The following SV2B variants were observed in gnomAD, a reference collection of about 807,000 sequenced individuals.
SV2B encodes the protein synaptic vesicle glycoprotein 2B.
A neutral mutation model predicts 73.9 loss-of-function variants in SV2B; 41 were observed. That is an observed-to-expected ratio of 0.56 (90% CI 0.43 to 0.72). SV2B has a LOEUF of 0.72. SV2B is among the 30% of genes least tolerant of loss of function. The pLI, the probability that SV2B is intolerant of heterozygous loss-of-function variation, is 0.00. For missense variants in SV2B, 764 were observed against 857.8 expected (o/e 0.89, Z 1.37); for synonymous variants, 314 against 314.2 (o/e 1.00, Z 0.01).
rs1302255843 is a variant in SV2B, at chr15:91,232,931, C to T, written c.451+6217C>T. ...TGTCACGAATACCCAATATTTAGCGCTCGCTTATAAGTGAGAACATGCAGT... is the reference window on the plus strand; with the variant it reads ...TGTCACGAATACCCAATATTTAGCGTTCGCTTATAAGTGAGAACATGCAGT... On this transcript the variant is annotated intron_variant, in intron 2 of 12. Transcript: ENST00000394232. The surrounding 1 kb of genome is among the most constrained non-coding windows in gnomAD (Gnocchi z 4.7). 6.6e-6 allele frequency among the ~76,000 whole-genome samples: 1 copy of T among 152,124 alleles called. No homozygotes were observed. Among genetic ancestry groups the T allele is most frequent in the East Asian group, 1.9e-4 (1 of 5,188 alleles).
chr15:91,180,300 G>T (rs2044498865), intron 1 of SV2B, among the ~76,000 whole-genome samples: 1 of 152,146 alleles, frequency 6.6e-6, no homozygotes, highest in African/African-American at 2.4e-5. Context: ...TGGGTAACCT[G>T]ACCTTTCTCT....
At chr15:91,286,598 A>G (rs576504536) in intron 11 of SV2B, among the ~76,000 whole-genome samples, 2 of 152,288 alleles carry the variant, frequency 1.3e-5, no homozygotes, top group South Asian at 4.1e-4. Context: ...CCTAAACACT[A>G]TGACATGCTT....
Position 91,245,279 on chromosome 15 carries a change from AT to A in SV2B, c.452-6538del, listed in dbSNP as rs1434538033. 1.3e-5 allele frequency among the ~76,000 whole-genome samples: 2 copies of A among 152,256 alleles called. No individual in the cohort carries two copies. Among genetic ancestry groups the A allele is most frequent in the African/African-American group, 4.8e-5 (2 of 41,462 alleles). On this transcript the variant is annotated intron_variant, in intron 2 of 12. Coordinates refer to ENST00000394232, the MANE Select transcript of SV2B (RefSeq NM_001323032.3). The surrounding 1 kb of genome is among the most constrained non-coding windows in gnomAD (Gnocchi z 4.2). ...CTCATGATTCGATTTCTTGGAATCT[AT>A]TCTGAGCAAATAACTAGAAACACCA... is the stretch of plus-strand genomic sequence containing the variant.
chr15:91,166,082 G>C (rs1477810338), intron 1 of SV2B, among the ~76,000 whole-genome samples: 1 of 152,134 alleles, frequency 6.6e-6, no homozygotes, highest in East Asian at 1.9e-4. Context: ...GCAGTCATTT[G>C]AATTGTTGTT....
At position 91,265,364 on chromosome 15, in the gene SV2B, A is replaced by C. The variant is rs980264157; in HGVS notation, c.1009-1218A>C. Among the ~76,000 whole-genome samples, 3 of 152,236 alleles carry C rather than the reference A, an allele frequency of 2.0e-5. No individual in the cohort carries two copies. The highest frequency in any genetic ancestry group is 2.9e-5 in the Non-Finnish European group (2 of 68,048). Reference sequence around the variant, plus strand: ...GGGAACACAGGCCATATTCTAATTTAGACTGAATCATAGACAATTGTTCTA... The same window carrying C: ...GGGAACACAGGCCATATTCTAATTTCGACTGAATCATAGACAATTGTTCTA... On this transcript the variant is annotated intron_variant, in intron 6 of 12. Transcript: ENST00000394232. The surrounding 1 kb of genome is among the most constrained non-coding windows in gnomAD (Gnocchi z 4.2).
intron 5 of SV2B, among the ~76,000 whole-genome samples, chr15:91,259,946 TG>T (rs1249901679): frequency 2.0e-5 from 3 of 152,332 alleles, no homozygotes; most frequent in Non-Finnish European, 4.4e-5. Flanking sequence ...TATCTTTTTT[TG>T]GGGGGACACA....
chr15:91,289,746 T>C lies in SV2B; in HGVS notation c.1868+66T>C, dbSNP rs1487776917. ...CTTCTTTGGCCAGAAGTCTACCTGC[T>C]CCCTAAATCTCATGCTGTGCATGGC... On this transcript the variant is annotated intron_variant, in intron 12 of 12. Transcript: ENST00000394232. The surrounding 1 kb of genome is among the most constrained non-coding windows in gnomAD (Gnocchi z 4.9). 2.0e-6 allele frequency: 3 copies of C among 1,527,754 alleles called. No homozygotes were observed. The highest frequency in any genetic ancestry group is 2.7e-6 in the Non-Finnish European group (3 of 1,127,780). 94.6% of individuals were successfully genotyped at this position (1,527,754 alleles called of 1,614,324 possible).
intron 1 of SV2B, among the ~76,000 whole-genome samples, chr15:91,196,459 A>G (rs1238227310): frequency 6.6e-6 from 1 of 152,204 alleles, no homozygotes; most frequent in Non-Finnish European, 1.5e-5. Context: ...TTTATAGGCT[A>G]ATTGGACACC....
chr15:91,249,214 G>A (rs8042096), intron 2 of SV2B, among the ~76,000 whole-genome samples: 65,588 of 151,972 alleles, frequency 0.43, 17,115 homozygotes, highest in African/African-American at 0.74. Context: ...GAAGTTGCCC[G>A]AACATATCAG....
At chr15:91,206,523 G>A (rs1395482853) in intron 1 of SV2B, among the ~76,000 whole-genome samples, 1 of 152,152 alleles carries the variant, frequency 6.6e-6, no homozygotes, top group Non-Finnish European at 1.5e-5. Flanking sequence ...ACCTCTTCAG[G>A]AATTTCTTTG....
Position 91,290,248 on chromosome 15 carries a change from A to G in SV2B, c.1868+568A>G, listed in dbSNP as rs2048996997. Among the ~76,000 whole-genome samples the G allele has an allele frequency of 6.6e-6, 1 of 152,206 alleles. No homozygotes were observed. Among genetic ancestry groups the G allele is most frequent in the Admixed American group, 6.5e-5 (1 of 15,286 alleles). ...GGAATTGTAAAGTTTAAAGGAGAAG[A>G]TAAGAGGCCCTGTGGTCAAAAAGGA... is the stretch of plus-strand genomic sequence containing the variant. On this transcript the variant is annotated intron_variant, in intron 12 of 12. Coordinates refer to ENST00000394232, the MANE Select transcript of SV2B (RefSeq NM_001323032.3). This position sits in a 1 kb window ranked among gnomAD's most constrained non-coding sequence, Gnocchi z 4.7.
At position 91,251,850 on chromosome 15, in the gene SV2B, C is replaced by A. The variant is rs201523826; in HGVS notation, c.483C>A (p.Gly161=). ...GMIVYLGMMA[G]AFILGGLADK... ...TAGTCTACTTGGGAATGATGGCGGGCGCCTTCATCCTGGGAGGCCTGGCTG... is the reference window on the plus strand; with the variant it reads ...TAGTCTACTTGGGAATGATGGCGGGAGCCTTCATCCTGGGAGGCCTGGCTG... The change falls in exon 3 of 13, where the codon GGC becomes GGA. Residue 161 remains glycine, a synonymous_variant. Transcript: ENST00000394232. The A allele has an allele frequency of 5.6e-6, 9 of 1,613,952 alleles. No individual in the cohort carries two copies. The highest frequency in any genetic ancestry group is 2.2e-5 in the East Asian group (1 of 44,882).
intron 1 of SV2B, among the ~76,000 whole-genome samples, chr15:91,133,999 T>C (rs1231026215): frequency 3.1e-5 from 3 of 95,856 alleles, no homozygotes; most frequent in Non-Finnish European, 6.3e-5. Context: ...CCACTTTCTT[T>C]CTTCCTTTTT....
intron 1 of SV2B, among the ~76,000 whole-genome samples, chr15:91,191,059 G>GGTTTTT (rs2044993188): frequency 3.3e-5 from 2 of 59,734 alleles, no homozygotes; most frequent in African/African-American, 1.2e-4. Flanking sequence ...TTTTTTTGGT[G>GGTTTTT]TTTCTTTTTT....
Position 91,281,928 on chromosome 15 carries a change from A to G in SV2B, c.1507+67A>G. On this transcript the variant is annotated intron_variant, in intron 10 of 12. Transcript: ENST00000394232. The surrounding 1 kb of genome is among the most constrained non-coding windows in gnomAD (Gnocchi z 4.7). ...GACAACTTGTGTTGTCCAAGAATCA[A>G]AATGGTCAGGCATAAACTTTAGGAG... is the stretch of plus-strand genomic sequence containing the variant. 4 of 1,520,560 alleles carry G rather than the reference A, an allele frequency of 2.6e-6. No homozygotes were observed. Among genetic ancestry groups the G allele is most frequent in the Non-Finnish European group, 3.6e-6 (4 of 1,123,160 alleles). The allele number at this position is 1,520,560 out of a possible 1,614,324, so 94.2% of individuals were successfully genotyped here. A position where few individuals can be genotyped will look rare whatever the true frequency, so the allele number is the denominator to read the frequency against.
intron 6 of SV2B, among the ~76,000 whole-genome samples, chr15:91,260,681 T>C (rs2047878168): frequency 6.6e-6 from 1 of 152,172 alleles, no homozygotes; most frequent in African/African-American, 2.4e-5. Flanking sequence ...TAGTCCATTT[T>C]CATGCTGCTG....
Position 91,289,341 on chromosome 15 carries a change from G to C in SV2B, c.1709-180G>C, listed in dbSNP as rs190918628. ...CGCAGAGGGCTCTAATGCCATGTCT[G>C]GGGTGCCTTGTGAGGATTCCAGCTG... On this transcript the variant is annotated intron_variant, in intron 11 of 12. Coordinates refer to ENST00000394232, the MANE Select transcript of SV2B (RefSeq NM_001323032.3). The surrounding 1 kb of genome is among the most constrained non-coding windows in gnomAD (Gnocchi z 4.9). 3.9e-5 allele frequency among the ~76,000 whole-genome samples: 6 copies of C among 152,306 alleles called. No homozygotes were observed. Among genetic ancestry groups the C allele is most frequent in the Admixed American group, 3.9e-4 (6 of 15,300 alleles).
chr15:91,167,290 C>G (rs559566768), intron 1 of SV2B, among the ~76,000 whole-genome samples: 1 of 151,974 alleles, frequency 6.6e-6, no homozygotes, highest in South Asian at 2.1e-4. Context: ...ATTATATTTT[C>G]CCAGTTTTTT....
intron 2 of SV2B, among the ~76,000 whole-genome samples, chr15:91,230,536 T>C (rs1007382076): frequency 1.3e-5 from 2 of 152,172 alleles, no homozygotes; most frequent in African/African-American, 4.8e-5. Flanking sequence ...GAGCGTTATG[T>C]TTTATTGGAT....
Sources: allele counts gnomAD v4.1 joint callset (sites outside exome capture counted in the v4.1 genomes callset), GRCh38; gene constraint gnomAD v4.1.1; non-coding constraint Gnocchi (gnomAD v3.1); transcripts MANE v1.5; gene names NCBI Gene and HGNC (gene_info 2026-07-23, HGNC 2026-07-21).